FARP1: variants seen among roughly 807,000 people sequenced by gnomAD.
The protein encoded by FARP1 is FERM, ARH/RhoGEF and pleckstrin domain protein 1.
Under a neutral mutation model 128.8 loss-of-function variants are expected in FARP1, and 52 were observed. The observed-to-expected ratio is 0.40, with a 90% CI of 0.32 to 0.51. The LOEUF (loss-of-function observed/expected upper bound fraction) is 0.51. Ranked by LOEUF, FARP1 falls within the 20% of genes least tolerant of loss-of-function variation. The pLI is 0.45. For synonymous variants in FARP1, 580 were observed against 551.8 expected (o/e 1.05, Z -0.72); for missense variants, 1,333 against 1,367.9 (o/e 0.97, Z 0.40).
intron 2 of FARP1, among the ~76,000 whole-genome samples, chr13:98,227,534 A>G (rs1378970407): frequency 6.6e-6 from 1 of 152,166 alleles, no homozygotes; most frequent in East Asian, 1.9e-4. Context: ...TGAGAATGTA[A>G]GATGGTGCAG....
chr13:98,330,597 A>G (rs1288589141), intron 2 of FARP1, among the ~76,000 whole-genome samples: 6 of 152,070 alleles, frequency 3.9e-5, no homozygotes, highest in Non-Finnish European at 8.8e-5. Context: ...TCTACTAAGA[A>G]TACAAAAATT....
chr13:98,429,645 G>C (rs1891935457), intron 17 of FARP1, among the ~76,000 whole-genome samples: 1 of 152,214 alleles, frequency 6.6e-6, no homozygotes, highest in African/African-American at 2.4e-5. Flanking sequence ...CCTGAAGTTA[G>C]AGAATAAATG....
chr13:98,304,762 G>T (rs1192253283), intron 2 of FARP1, among the ~76,000 whole-genome samples: 1 of 152,216 alleles, frequency 6.6e-6, no homozygotes, highest in Non-Finnish European at 1.5e-5. Context: ...ATGCCTCCCT[G>T]TCTCTCTTCA....
chr13:98,443,750 C>T (rs1441076895), intron 24 of FARP1, among the ~76,000 whole-genome samples: 1 of 110,958 alleles, frequency 9.0e-6, no homozygotes, highest in Non-Finnish European at 2.0e-5. Flanking sequence ...CAGTGAAGGG[C>T]CAGAGGCAAA....
intron 2 of FARP1, among the ~76,000 whole-genome samples, chr13:98,330,909 G>A (rs1238604451): frequency 6.6e-6 from 1 of 152,200 alleles, no homozygotes; most frequent in African/African-American, 2.4e-5. Flanking sequence ...GGCTCTCTAG[G>A]TTTGGGGCCA....
intron 1 of FARP1, among the ~76,000 whole-genome samples, chr13:98,191,860 T>C (rs1566723275): frequency 1.3e-5 from 2 of 152,206 alleles, no homozygotes; most frequent in Non-Finnish European, 2.9e-5. Flanking sequence ...GGAGAATCAC[T>C]TGAACCCAGG....
intron 1 of FARP1, among the ~76,000 whole-genome samples, chr13:98,165,177 T>C (rs1158086360): frequency 7.8e-6 from 1 of 128,056 alleles, no homozygotes. Flanking sequence ...ATTGAGCCAT[T>C]GCACTCCAGC....
intron 2 of FARP1, among the ~76,000 whole-genome samples, chr13:98,279,134 C>T (rs977908818): frequency 5.3e-5 from 8 of 151,996 alleles, no homozygotes; most frequent in Non-Finnish European, 1.0e-4. Flanking sequence ...CGTGCCCGGC[C>T]CATTTTAATG....
rs967233034 is a variant in FARP1, at chr13:98,200,398, C to CCG, written c.-23-12822_-23-12821insCG. Among the ~76,000 whole-genome samples the CCG allele has an allele frequency of 2.1e-5, 3 of 144,062 alleles. No individual in the cohort carries two copies. The East Asian group carries it at 6.2e-4, about 30-fold the overall frequency. The allele number at this position is 144,062 out of a possible 152,430, so 94.5% of individuals were successfully genotyped here. On this transcript the variant is annotated intron_variant, in intron 1 of 26. Transcript: ENST00000319562. ...GGAATGCAACCTTCACCCCCCCCCC[C>CCG]TCCCCTTTGTGATTCAGTGGGGCTG...
chr13:98,394,179 C>T, intron 12 of FARP1, among the ~76,000 whole-genome samples: 1 of 152,180 alleles, frequency 6.6e-6, no homozygotes, highest in East Asian at 1.9e-4. Context: ...GCAGTGACCA[C>T]AATTGGCAGT....
At chr13:98,214,192 C>G (rs1160406325) in intron 2 of FARP1, among the ~76,000 whole-genome samples, 1 of 152,246 alleles carries the variant, frequency 6.6e-6, no homozygotes, top group African/African-American at 2.4e-5. Context: ...CTCCTCAGAT[C>G]GCTCCTGCGG....
intron 24 of FARP1, among the ~76,000 whole-genome samples, chr13:98,441,458 C>G (rs1458261950): frequency 1.3e-5 from 2 of 152,204 alleles, no homozygotes; most frequent in Non-Finnish European, 2.9e-5. Context: ...AACAGGGCGC[C>G]GTGGGGAGCT....
chr13:98,266,366 A>C (rs1884116252), intron 2 of FARP1, among the ~76,000 whole-genome samples: 1 of 152,176 alleles, frequency 6.6e-6, no homozygotes, highest in Admixed American at 6.6e-5. Flanking sequence ...GGTCTTGGGC[A>C]GGTTTGCTCT....
chr13:98,151,410 T>C (rs1875987157), intron 1 of FARP1, among the ~76,000 whole-genome samples: 1 of 152,166 alleles, frequency 6.6e-6, no homozygotes, highest in Non-Finnish European at 1.5e-5. Context: ...ATTGTATCTT[T>C]TTATCGGTGT....
chr13:98,286,930 C>T (rs1885197452), intron 2 of FARP1, among the ~76,000 whole-genome samples: 1 of 152,180 alleles, frequency 6.6e-6, no homozygotes, highest in Non-Finnish European at 1.5e-5. Flanking sequence ...CATGATATCA[C>T]ATCATTTTGT....
chr13:98,348,181 T>C (rs2139894263), intron 3 of FARP1, among the ~76,000 whole-genome samples: 1 of 152,352 alleles, frequency 6.6e-6, no homozygotes, highest in East Asian at 1.9e-4. Context: ...GGCTTGTCAA[T>C]TAAAAGAGTT....
intron 2 of FARP1, among the ~76,000 whole-genome samples, chr13:98,275,674 T>C (rs1311601177): frequency 6.7e-6 from 1 of 150,220 alleles, no homozygotes; most frequent in East Asian, 2.0e-4. Flanking sequence ...AGCTGAACGA[T>C]TGTGACAATT....
chr13:98,444,718 G>GAAAC (rs1255054826), intron 24 of FARP1, among the ~76,000 whole-genome samples: 4 of 152,218 alleles, frequency 2.6e-5, no homozygotes, highest in African/African-American at 9.7e-5. Flanking sequence ...AGCTGCTTTG[G>GAAAC]AAACAAATGG....
At chr13:98,144,204 G>C (rs909946085) in intron 1 of FARP1, among the ~76,000 whole-genome samples, 1 of 146,088 alleles carries the variant, frequency 6.8e-6, no homozygotes, top group Non-Finnish European at 1.5e-5. Context: ...CGGAGACTCT[G>C]TGTGTGTGTG....
Sources: allele counts gnomAD v4.1 joint callset (sites outside exome capture counted in the v4.1 genomes callset), GRCh38; gene constraint gnomAD v4.1.1; transcripts MANE v1.5; gene names NCBI Gene and HGNC (gene_info 2026-07-23, HGNC 2026-07-21).